ANKS1A: variants seen among roughly 807,000 people sequenced by gnomAD.
ANKS1A encodes ankyrin repeat and SAM domain-containing protein 1A.
In ANKS1A, 55 loss-of-function variants were observed where a neutral mutation model predicts 120.3. That is an observed-to-expected ratio of 0.46 (90% CI 0.37 to 0.57). The LOEUF is 0.57. Among genes scored for constraint, ANKS1A ranks in the 20% least tolerant of loss-of-function variants. ANKS1A has a pLI of 0.00. For synonymous variants in ANKS1A, 590 were observed against 604.7 expected (o/e 0.98, Z 0.36); for missense variants, 1,123 against 1,480.3 (o/e 0.76, Z 3.96).
At chr6:35,009,776 GC>G (rs1231958174) in intron 10 of ANKS1A, 1 of 166,296 alleles carries the variant, frequency 6.0e-6, no homozygotes, top group East Asian at 1.7e-4. Context: ...GGTGGTGCAA[GC>G]CTATAATCCC....
intron 11 of ANKS1A, among the ~76,000 whole-genome samples, chr6:35,041,327 C>T (rs1177028343): frequency 6.6e-6 from 1 of 152,184 alleles, no homozygotes; most frequent in Admixed American, 6.5e-5. Flanking sequence ...GGGCTGTGAT[C>T]GCTCTGGAAT....
intron 11 of ANKS1A, among the ~76,000 whole-genome samples, chr6:35,019,468 T>C (rs1264149540): frequency 6.6e-6 from 1 of 152,056 alleles, no homozygotes; most frequent in Non-Finnish European, 1.5e-5. Context: ...CCAGATAAGG[T>C]ATAAGATGAA....
At chr6:34,926,623 A>G (rs1768731374) in intron 1 of ANKS1A, among the ~76,000 whole-genome samples, 1 of 152,102 alleles carries the variant, frequency 6.6e-6, no homozygotes, top group Non-Finnish European at 1.5e-5. Flanking sequence ...CTTGAGGTAG[A>G]TTTTTATATT....
intron 1 of ANKS1A, among the ~76,000 whole-genome samples, chr6:34,965,764 T>G (rs1770864131): frequency 1.3e-5 from 2 of 152,078 alleles, no homozygotes; most frequent in South Asian, 4.2e-4. Context: ...TTTTTTTTTT[T>G]GAAATGGAGT....
chr6:35,005,490 G>A (rs2127547679), intron 10 of ANKS1A, among the ~76,000 whole-genome samples: 1 of 152,254 alleles, frequency 6.6e-6, no homozygotes, highest in Middle Eastern at 3.4e-3. Flanking sequence ...AAATTCATTT[G>A]TTAAACAACA....
chr6:35,077,446 C>A (rs1293609748), intron 13 of ANKS1A, among the ~76,000 whole-genome samples: 1 of 152,186 alleles, frequency 6.6e-6, no homozygotes, highest in Non-Finnish European at 1.5e-5. Context: ...CGAGCGTGTG[C>A]GAGAATGGCA....
At chr6:35,042,908 C>T (rs370222000) in intron 11 of ANKS1A, among the ~76,000 whole-genome samples, 1 of 152,168 alleles carries the variant, frequency 6.6e-6, no homozygotes, top group African/African-American at 2.4e-5. Flanking sequence ...TTGCCATTTC[C>T]ATAATTAATT....
chr6:34,939,471 G>A (rs1191724507), intron 1 of ANKS1A, among the ~76,000 whole-genome samples: 1 of 152,188 alleles, frequency 6.6e-6, no homozygotes, highest in Non-Finnish European at 1.5e-5. Context: ...AACAAGTGCA[G>A]TTTGTTTTAG....
chr6:34,917,279 G>A (rs1347271244), intron 1 of ANKS1A, among the ~76,000 whole-genome samples: 2 of 152,208 alleles, frequency 1.3e-5, no homozygotes, highest in African/African-American at 4.8e-5. Flanking sequence ...CCAGTGGAGA[G>A]GTGGCAGCAG....
At chr6:34,954,920 A>G (rs1481407744) in intron 1 of ANKS1A, among the ~76,000 whole-genome samples, 1 of 151,554 alleles carries the variant, frequency 6.6e-6, no homozygotes, top group Non-Finnish European at 1.5e-5. Flanking sequence ...TCTATTAGTC[A>G]CTGTTAGCCT....
chr6:35,016,841 G>A (rs1054803176), intron 10 of ANKS1A, among the ~76,000 whole-genome samples: 5 of 151,264 alleles, frequency 3.3e-5, no homozygotes, highest in Non-Finnish European at 7.4e-5. Flanking sequence ...CGTGGAACTC[G>A]GAATGGCCCC....
intron 1 of ANKS1A, among the ~76,000 whole-genome samples, chr6:34,932,812 A>T (rs1032129901): frequency 6.6e-6 from 1 of 152,220 alleles, no homozygotes; most frequent in Non-Finnish European, 1.5e-5. Context: ...TACTTTGAAC[A>T]TCCATATACA....
chr6:34,910,472 G>C (rs1389411635), intron 1 of ANKS1A, among the ~76,000 whole-genome samples: 4 of 152,140 alleles, frequency 2.6e-5, no homozygotes, highest in Non-Finnish European at 4.4e-5. Flanking sequence ...GAGGTGGGAG[G>C]ATCACTTGAG....
intron 11 of ANKS1A, among the ~76,000 whole-genome samples, chr6:35,035,041 C>T (rs1775093792): frequency 1.3e-5 from 2 of 152,228 alleles, no homozygotes; most frequent in Admixed American, 6.5e-5. Flanking sequence ...ACGGCCTCGC[C>T]CTGAGTAACA....
chr6:34,896,062 CT>C (rs577518357), intron 1 of ANKS1A, among the ~76,000 whole-genome samples: 50 of 136,492 alleles, frequency 3.7e-4, no homozygotes, highest in Admixed American at 5.2e-4. Context: ...CGTGCCTGGC[CT>C]TTTTTTTTTT....
intron 10 of ANKS1A, among the ~76,000 whole-genome samples, chr6:35,013,671 A>G (rs1029157963): frequency 3.3e-5 from 5 of 152,226 alleles, no homozygotes; most frequent in Admixed American, 2.0e-4. Flanking sequence ...GAGTGGTTAC[A>G]GTGACAGTTC....
In ANKS1A at chr6:34,958,941, C is replaced by T. The variant is rs568675687; in HGVS notation, c.198-8298C>T. Reference sequence around the variant, plus strand: ...TGTCATTTGTTTACTGGTCTGACTTCCTCACTGAACTCAAGGGTGGGGACT... The same window carrying T: ...TGTCATTTGTTTACTGGTCTGACTTTCTCACTGAACTCAAGGGTGGGGACT... On this transcript the variant is annotated intron_variant, in intron 1 of 23. Coordinates refer to ENST00000360359, the MANE Select transcript of ANKS1A (RefSeq NM_015245.3). 2.0e-5 allele frequency among the ~76,000 whole-genome samples: 3 copies of T among 152,320 alleles called. No homozygotes were observed. The South Asian group carries it at 6.2e-4, about 32-fold the overall frequency.
intron 1 of ANKS1A, among the ~76,000 whole-genome samples, chr6:34,923,186 C>G (rs1192473133): frequency 6.6e-6 from 1 of 152,212 alleles, no homozygotes; most frequent in Non-Finnish European, 1.5e-5. Flanking sequence ...GAATACATTG[C>G]TGGCCTTTGA....
At chr6:34,952,454 A>C (rs1225649840) in intron 1 of ANKS1A, among the ~76,000 whole-genome samples, 5 of 152,224 alleles carry the variant, frequency 3.3e-5, no homozygotes, top group Non-Finnish European at 7.3e-5. Context: ...CTGACTGATT[A>C]AGGCAACTTT....
Sources: gnomAD v4.1 joint callset for allele counts (sites outside exome capture counted in the v4.1 genomes callset) on GRCh38, gnomAD v4.1.1 for gene constraint, MANE v1.5 for transcripts, NCBI Gene and HGNC (gene_info 2026-07-23, HGNC 2026-07-21) for gene names.